TMEM150C: variants seen among roughly 807,000 people sequenced by gnomAD.
TMEM150C encodes the protein tentonin 3.
Under a neutral mutation model 29.9 loss-of-function variants are expected in TMEM150C, and 10 were observed. That is an observed-to-expected ratio of 0.33 (90% CI 0.21 to 0.57). The LOEUF is 0.57. Ranked by LOEUF, TMEM150C falls within the 20% of genes least tolerant of loss-of-function variation. TMEM150C has a pLI of 0.88. For synonymous variants in TMEM150C, 101 were observed against 112.5 expected (o/e 0.90, Z 0.64); for missense variants, 251 against 303.6 (o/e 0.83, Z 1.29).
chr4:82,547,342 AC>A (rs1400726511), intron 1 of TMEM150C, among the ~76,000 whole-genome samples: 1 of 151,950 alleles, frequency 6.6e-6, no homozygotes, highest in Non-Finnish European at 1.5e-5. Flanking sequence ...TAATACCAGC[AC>A]TTTGGGAGGA....
chr4:82,485,555 C>A lies in TMEM150C; in HGVS notation c.706G>T (p.Glu236Ter). The change falls in exon 8 of 8, where the codon GAA becomes TAA. Residue 236 changes from glutamate (E) to a stop codon, truncating the protein, a stop_gained. Transcript: ENST00000449862. LOFTEE classifies it high-confidence loss of function. Reference sequence around the variant, plus strand: ...TATTCAGAAGCTTCTGACAGGCTTTCTGAGAAGCTTAGGAAATTCTCCTGG... The same window carrying A: ...TATTCAGAAGCTTCTGACAGGCTTTATGAGAAGCTTAGGAAATTCTCCTGG... Reference protein sequence around the residue: ...EYQENFLSFSESLSEASEYQT... With the variant: ...EYQENFLSFS 6.2e-7 allele frequency: 1 copy of A among 1,609,920 alleles called. No homozygotes were observed.
Position 82,499,107 on chromosome 4 carries a change from T to C in TMEM150C, c.236-2912A>G, listed in dbSNP as rs557729694. Among the ~76,000 whole-genome samples, 3 of 152,292 alleles carry C rather than the reference T, an allele frequency of 2.0e-5. No homozygotes were observed. The South Asian group carries it at 6.2e-4, about 32-fold the overall frequency. On this transcript the variant is annotated intron_variant, in intron 5 of 7. Transcript: ENST00000449862. ...GATCTAATAAAAGATTCTGCCCCTA[T>C]AACAGTTTTACTAACACTTAGGTAT...
In TMEM150C at chr4:82,485,560, A is replaced by C. The variant is rs773984417; in HGVS notation, c.701T>G (p.Phe234Cys). The C allele has an allele frequency of 6.2e-7, 1 of 1,610,414 alleles. No homozygotes were observed. The highest frequency in any genetic ancestry group is 8.5e-7 in the Non-Finnish European group (1 of 1,178,362). ...AGAAGCTTCTGACAGGCTTTCTGAGAAGCTTAGGAAATTCTCCTGGTACTC... is the reference window on the plus strand; with the variant it reads ...AGAAGCTTCTGACAGGCTTTCTGAGCAGCTTAGGAAATTCTCCTGGTACTC... ...CSEYQENFLS[F>C]SESLSEASEY... Residue 234 changes from phenylalanine (F) to cysteine (C), a missense_variant, in exon 8 of 8, where the codon TTC becomes TGC. Transcript: ENST00000449862.
chr4:82,501,581 C>T (rs143456402), intron 5 of TMEM150C, among the ~76,000 whole-genome samples: 2 of 152,206 alleles, frequency 1.3e-5, no homozygotes, highest in African/African-American at 4.8e-5. Context: ...AGCTCCCCAG[C>T]GTACTTCTTT....
At position 82,485,443 on chromosome 4, in the gene TMEM150C, G is replaced by T; in HGVS notation, c.*68C>A. 8.3e-7 allele frequency: 1 copy of T among 1,202,202 alleles called. No individual in the cohort carries two copies. The highest frequency in any genetic ancestry group is 1.2e-6 in the Non-Finnish European group (1 of 834,494). The allele number at this position is 1,202,202 out of a possible 1,614,324, so 74.5% of individuals were successfully genotyped here. A position where few individuals can be genotyped will look rare whatever the true frequency, so the allele number is the denominator to read the frequency against. On this transcript the variant is annotated 3_prime_UTR_variant, in exon 8 of 8. Coordinates refer to ENST00000449862, the MANE Select transcript of TMEM150C (RefSeq NM_001080506.3). ...GAAATGAGGTTCTATGTCAAGTCCTGTGAGTGTGTCCTACTGGCCCCTCCC... is the reference window on the plus strand; with the variant it reads ...GAAATGAGGTTCTATGTCAAGTCCTTTGAGTGTGTCCTACTGGCCCCTCCC...
intron 1 of TMEM150C, among the ~76,000 whole-genome samples, chr4:82,529,625 T>G (rs1724772271): frequency 6.6e-6 from 1 of 152,126 alleles, no homozygotes; most frequent in African/African-American, 2.4e-5. Flanking sequence ...AGTGGTCAAC[T>G]GTCTCAAATG....
rs1271986397 is a variant in TMEM150C, at chr4:82,490,218, G to T, written c.384C>A (p.Ile128=). 6.2e-7 allele frequency: 1 copy of T among 1,613,832 alleles called. No homozygotes were observed. The highest frequency in any genetic ancestry group is 1.3e-5 in the African/African-American group (1 of 74,908). The change falls in exon 7 of 8, where the codon ATC becomes ATA. Residue 128 remains isoleucine, a synonymous_variant. Transcript: ENST00000449862. ...AGGTCAAGGAAGTTCCGACGTTATG[G>T]ATTTCTTCATCATTTGTGAGCTTAG... ...GNFQLTNDEE[I]HNVGTSLTFG...
chr4:82,500,968 T>C (rs1404030670), intron 5 of TMEM150C, among the ~76,000 whole-genome samples: 1 of 152,224 alleles, frequency 6.6e-6, no homozygotes, highest in African/African-American at 2.4e-5. Flanking sequence ...TTAATCGTTG[T>C]TGCCCCCTGT....
At chr4:82,562,106 G>C, upstream of TMEM150C, 1 of 1,241,978 alleles carries the variant, frequency 8.1e-7, no homozygotes, top group Non-Finnish European at 1.0e-6. Context: ...CCTTCGGGGA[G>C]AGTTGATCCC....
At chr4:82,491,879 A>T (rs1314971721) in intron 6 of TMEM150C, among the ~76,000 whole-genome samples, 5 of 151,932 alleles carry the variant, frequency 3.3e-5, no homozygotes, top group African/African-American at 1.2e-4. Flanking sequence ...AAAACCCTTT[A>T]AGCTCTGTTC....
At chr4:82,541,582 C>A (rs2110087921) in intron 1 of TMEM150C, among the ~76,000 whole-genome samples, 2 of 152,200 alleles carry the variant, frequency 1.3e-5, no homozygotes, top group South Asian at 4.2e-4. Context: ...TAAATTAGTA[C>A]AAAGAGATGA....
chr4:82,483,606 C>T lies in TMEM150C; in HGVS notation c.*1905G>A, dbSNP rs1325317359. 2 of 152,124 alleles carry T rather than the reference C, an allele frequency of 1.3e-5. No individual in the cohort carries two copies. Among genetic ancestry groups the T allele is most frequent in the African/African-American group, 4.8e-5 (2 of 41,414 alleles). The allele number at this position is 152,124 out of a possible 1,614,324, so 9.4% of individuals were successfully genotyped here. A position where few individuals can be genotyped will look rare whatever the true frequency, so the allele number is the denominator to read the frequency against. On this transcript the variant is annotated 3_prime_UTR_variant, in exon 8 of 8. Transcript: ENST00000449862. ...CATGCTCTCTCACTCATCTTTGAGT[C>T]TCTCTCTGACACTCCTTTTTCCTAC...
At chr4:82,495,802 T>C (rs1469021276) in intron 6 of TMEM150C, 5 of 437,264 alleles carry the variant, frequency 1.1e-5, no homozygotes, top group Admixed American at 3.2e-5. Flanking sequence ...TGTGGCCATA[T>C]GCTTCTCATA....
Position 82,559,678 on chromosome 4 carries a change from A to G in TMEM150C, c.-11+2228T>C, listed in dbSNP as rs79582706. ...GACCCTATAATGTTTTGGGAACTTCAGCACACATCTCATTGGACCCTTACC... is the reference window on the plus strand; with the variant it reads ...GACCCTATAATGTTTTGGGAACTTCGGCACACATCTCATTGGACCCTTACC... On this transcript the variant is annotated intron_variant, in intron 1 of 7. Coordinates refer to ENST00000449862, the MANE Select transcript of TMEM150C (RefSeq NM_001080506.3). 1.9e-3 allele frequency among the ~76,000 whole-genome samples: 287 copies of G among 152,340 alleles called. 1 individual carries two copies. Among genetic ancestry groups the G allele is most frequent in the African/African-American group, 6.6e-3 (275 of 41,574 alleles).
intron 5 of TMEM150C, among the ~76,000 whole-genome samples, chr4:82,496,629 T>A (rs1232510367): frequency 6.6e-6 from 1 of 152,168 alleles, no homozygotes; most frequent in Non-Finnish European, 1.5e-5. Context: ...TAAGATGGGA[T>A]AAAGACAGAC....
At chr4:82,521,668 T>C (rs1724489513) in intron 1 of TMEM150C, among the ~76,000 whole-genome samples, 1 of 152,132 alleles carries the variant, frequency 6.6e-6, no homozygotes, top group Non-Finnish European at 1.5e-5. Flanking sequence ...CAAGAGTATC[T>C]TGGTGAAAAG....
At chr4:82,521,731 C>T (rs930690056) in intron 1 of TMEM150C, among the ~76,000 whole-genome samples, 2 of 152,164 alleles carry the variant, frequency 1.3e-5, no homozygotes, top group Admixed American at 1.3e-4. Flanking sequence ...GGATGACACA[C>T]AGGGTAACTG....
intron 6 of TMEM150C, chr4:82,491,007 TG>T: frequency 1.4e-6 from 1 of 738,832 alleles, no homozygotes; most frequent in Non-Finnish European, 2.5e-6. Flanking sequence ...CAAGTTAACC[TG>T]TGTGAAGACA....
chr4:82,486,335 T>TAAAAAAAAAAAAAAAAAAAAAAAA (rs527967958), intron 7 of TMEM150C, among the ~76,000 whole-genome samples: 1 of 51,284 alleles, frequency 1.9e-5, no homozygotes, highest in African/African-American at 9.0e-5. Flanking sequence ...GACTCCATCT[T>TAAAAAAAAAAAAAAAAAAAAAAAA]AAAAAAAAAA....
Sources: gnomAD v4.1 joint callset for allele counts (sites outside exome capture counted in the v4.1 genomes callset) on GRCh38, gnomAD v4.1.1 for gene constraint, MANE v1.5 for transcripts, NCBI Gene and HGNC (gene_info 2026-07-23, HGNC 2026-07-21) for gene names.